Variants in PLCH1 observed in about 807,000 individuals in gnomAD.
PLCH1 encodes phospholipase C eta 1, also known as 1-phosphatidylinositol 4,5-bisphosphate phosphodiesterase eta-1.
Under a neutral mutation model 126.7 loss-of-function variants are expected in PLCH1, and 60 were observed. The ratio of observed to expected loss-of-function variants is 0.47; its 90% CI spans 0.38 to 0.59. The LOEUF (loss-of-function observed/expected upper bound fraction) is 0.59, where lower values mean the gene tolerates loss of function less well. Ranked by LOEUF, PLCH1 falls within the 20% of genes least tolerant of loss-of-function variation. PLCH1 has a pLI of 0.00. For missense variants in PLCH1, 1,723 were observed against 2,040.0 expected (o/e 0.84, Z 2.99); for synonymous variants, 719 against 734.9 (o/e 0.98, Z 0.35).
At chr3:155,526,413 TCTC>T (rs1300592738) in intron 10 of PLCH1, among the ~76,000 whole-genome samples, 2 of 146,062 alleles carry the variant, frequency 1.4e-5, no homozygotes, top group African/African-American at 5.4e-5. Context: ...TCTCTTTCTC[TCTC>T]TCTCTTCTGT....
chr3:155,527,383 G>A (rs570380814), intron 10 of PLCH1, among the ~76,000 whole-genome samples: 2 of 152,144 alleles, frequency 1.3e-5, no homozygotes, highest in African/African-American at 2.4e-5. Flanking sequence ...CCCCTTACCC[G>A]CTTCCTCCCT....
chr3:155,487,703 G>A (rs1715467381), intron 21 of PLCH1, among the ~76,000 whole-genome samples: 1 of 152,146 alleles, frequency 6.6e-6, no homozygotes, highest in African/African-American at 2.4e-5. Flanking sequence ...TCTTTTTAAG[G>A]ATTAAAATAA....
At chr3:155,706,294 T>C (rs1204517755) in intron 1 of PLCH1, among the ~76,000 whole-genome samples, 2 of 151,344 alleles carry the variant, frequency 1.3e-5, no homozygotes, top group Admixed American at 1.3e-4. Flanking sequence ...GAAATCAGCC[T>C]GGCCAATTGG....
intron 8 of PLCH1, among the ~76,000 whole-genome samples, chr3:155,561,151 CT>C (rs958720331): frequency 1.3e-5 from 2 of 150,954 alleles, no homozygotes; most frequent in Non-Finnish European, 2.9e-5. Flanking sequence ...TATTATTATA[CT>C]TTAAGTTTTA....
At position 155,661,589 on chromosome 3, in the gene PLCH1, A is replaced by C. The variant is rs80249461; in HGVS notation, c.79+42557T>G. Among the ~76,000 whole-genome samples the C allele has an allele frequency of 5.5e-3, 831 of 152,302 alleles. 18 individuals are homozygous for C. The highest frequency in any genetic ancestry group is 0.03 in the Admixed American group (465 of 15,290). ...GCTTTGAAGCAGAAATGTTTGGGGGAAAAACAGCAACCTGTACCAGCTATA... is the reference window on the plus strand; with the variant it reads ...GCTTTGAAGCAGAAATGTTTGGGGGCAAAACAGCAACCTGTACCAGCTATA... On this transcript the variant is annotated intron_variant, in intron 2 of 22. Coordinates refer to ENST00000460012, the MANE Select transcript of PLCH1 (RefSeq NM_014996.4).
intron 10 of PLCH1, among the ~76,000 whole-genome samples, chr3:155,525,685 C>T (rs1457193868): frequency 6.6e-6 from 1 of 152,164 alleles, no homozygotes; most frequent in Non-Finnish European, 1.5e-5. Context: ...CCAGCTTGAG[C>T]ACCTCCCCCA....
In PLCH1 at chr3:155,481,660, T is replaced by C; in HGVS notation, c.4366A>G (p.Ser1456Gly). The C allele has an allele frequency of 6.2e-7, 1 of 1,614,134 alleles. No homozygotes were observed. The highest frequency in any genetic ancestry group is 8.5e-7 in the Non-Finnish European group (1 of 1,179,990). Residue 1456 changes from serine to glycine, a missense_variant, in exon 23 of 23, where the codon AGT (serine) becomes GGT (glycine). Around this residue, in one of 2 missense-constraint regions of PLCH1, gnomAD observed 947 missense variants for 977.1 expected, o/e 0.97. Transcript: ENST00000460012. The surrounding 1 kb of genome is among the most constrained non-coding windows in gnomAD (Gnocchi z 4.2). ...MFQTCVPQQSSAQDMHVPVPK... is the reference protein window; with the variant it reads ...MFQTCVPQQSGAQDMHVPVPK... ...ACAGGGACATGCATATCTTGAGCAC[T>C]AGATTGCTGGGGCACACAGGTCTGG...
intron 2 of PLCH1, among the ~76,000 whole-genome samples, chr3:155,656,272 T>A (rs1370262995): frequency 6.6e-6 from 1 of 152,044 alleles, no homozygotes; most frequent in Non-Finnish European, 1.5e-5. Flanking sequence ...CTTATGCTGC[T>A]TATATTGTTC....
At position 155,480,769 on chromosome 3, in the gene PLCH1, C is replaced by A; in HGVS notation, c.*199G>T. On this transcript the variant is annotated 3_prime_UTR_variant, in exon 23 of 23. Transcript: ENST00000460012. The stretch of plus-strand genomic sequence containing the variant: ...TTACAACAACTCAAGGGAGAAAGAT[C>A]ATAATAGGTACATGGGAAATGTCAC... 1.8e-6 allele frequency: 1 copy of A among 559,932 alleles called. No individual in the cohort carries two copies. Among genetic ancestry groups the A allele is most frequent in the South Asian group, 2.4e-5 (1 of 41,076 alleles). 34.7% of individuals were successfully genotyped at this position (559,932 alleles called of 1,614,324 possible).
intron 2 of PLCH1, among the ~76,000 whole-genome samples, chr3:155,663,319 C>A (rs1395056034): frequency 2.0e-5 from 3 of 152,158 alleles, no homozygotes; most frequent in Non-Finnish European, 4.4e-5. Flanking sequence ...CTTTTGTAAC[C>A]TGTGATTTAA....
intron 21 of PLCH1, among the ~76,000 whole-genome samples, chr3:155,459,058 G>A (rs1377441618): frequency 6.6e-6 from 1 of 152,208 alleles, no homozygotes; most frequent in African/African-American, 2.4e-5. Context: ...TGTGACATTA[G>A]AATTACTAAA....
intron 11 of PLCH1, among the ~76,000 whole-genome samples, chr3:155,521,698 A>G (rs971953200): frequency 3.3e-5 from 5 of 152,230 alleles, no homozygotes; most frequent in African/African-American, 7.2e-5. Context: ...AGGACTATAA[A>G]TGGTCTGATT....
chr3:155,663,520 T>G (rs1742404867), intron 2 of PLCH1, among the ~76,000 whole-genome samples: 1 of 152,238 alleles, frequency 6.6e-6, no homozygotes, highest in Admixed American at 6.5e-5. Context: ...CTGTAGAGAC[T>G]TCTGCTCCAG....
rs1294847605 is a variant in PLCH1 at position 155,588,323 on chromosome 3, G to A, written c.471-2129C>T. ...AGTTAAGGGAGGTCCAGATCTGGGG[G>A]GAAAGTAACCGAAGAACCAAAAGGG... On this transcript the variant is annotated intron_variant, in intron 4 of 22. Transcript: ENST00000460012. Among the ~76,000 whole-genome samples, 3 of 152,014 alleles carry A rather than the reference G, an allele frequency of 2.0e-5. No homozygotes were observed. The East Asian group carries it at 5.8e-4, about 29-fold the overall frequency.
downstream of PLCH1, among the ~76,000 whole-genome samples, chr3:155,478,220 G>C (rs557646303): frequency 1.3e-5 from 2 of 152,208 alleles, no homozygotes; most frequent in Non-Finnish European, 2.9e-5. Flanking sequence ...TGGATATAGA[G>C]AGTAGGATAG....
intron 21 of PLCH1, among the ~76,000 whole-genome samples, chr3:155,471,974 A>T (rs1427007855): frequency 6.6e-6 from 1 of 152,200 alleles, no homozygotes; most frequent in African/African-American, 2.4e-5. Context: ...AAGAGAAAGC[A>T]GGAAAGATCC....
At chr3:155,662,363 G>A (rs1742265014) in intron 2 of PLCH1, among the ~76,000 whole-genome samples, 1 of 152,072 alleles carries the variant, frequency 6.6e-6, no homozygotes, top group Non-Finnish European at 1.5e-5. Flanking sequence ...AGCTACTTGG[G>A]TGGCTGAAGT....
At chr3:155,469,955 A>C (rs1713118388) in intron 21 of PLCH1, among the ~76,000 whole-genome samples, 1 of 152,238 alleles carries the variant, frequency 6.6e-6, no homozygotes, top group South Asian at 2.1e-4. Flanking sequence ...CCAAAAGTAG[A>C]TAAAACCACA....
chr3:155,490,800 A>T lies in PLCH1; in HGVS notation c.2376T>A (p.Arg792=). ...LPVDCCKDQT[R]VVDDNGFNPV... Reference sequence around the variant, plus strand: ...CCATCTTACCATTGTCATCTACCACACGGGTTTGATCTTTACAACAATCTA... The same window carrying T: ...CCATCTTACCATTGTCATCTACCACTCGGGTTTGATCTTTACAACAATCTA... The change falls in exon 19 of 23, where the codon CGT becomes CGA. Residue 792 remains arginine (R), a synonymous_variant. Transcript: ENST00000460012. 1 of 1,579,356 alleles carries T rather than the reference A, an allele frequency of 6.3e-7. No homozygotes were observed. Among genetic ancestry groups the T allele is most frequent in the Non-Finnish European group, 8.7e-7 (1 of 1,148,922 alleles).
Sources: gnomAD v4.1 joint callset for allele counts (sites outside exome capture counted in the v4.1 genomes callset) on GRCh38, gnomAD v4.1.1 for gene constraint, gnomAD v4.1.1 regional missense constraint, Gnocchi (gnomAD v3.1) non-coding constraint, MANE v1.5 for transcripts, NCBI Gene and HGNC (gene_info 2026-07-23, HGNC 2026-07-21) for gene names.